The following LHFPL2 variants were observed in gnomAD, a reference collection of about 807,000 sequenced individuals.
LHFPL2 encodes the protein LHFPL tetraspan subfamily member 2.
In LHFPL2, 7 loss-of-function variants were observed where a neutral mutation model predicts 17.5. That is an observed-to-expected ratio of 0.40 (90% CI 0.23 to 0.75). The LOEUF (loss-of-function observed/expected upper bound fraction) is 0.75. LHFPL2 is among the 30% of genes least tolerant of loss of function. LHFPL2 has a pLI of 0.37. For synonymous variants in LHFPL2, 134 were observed against 116.2 expected (o/e 1.15, Z -0.99); for missense variants, 241 against 294.8 (o/e 0.82, Z 1.34).
intron 2 of LHFPL2, among the ~76,000 whole-genome samples, chr5:78,620,526 C>G (rs1744814297): frequency 6.6e-6 from 1 of 152,188 alleles, no homozygotes; most frequent in African/African-American, 2.4e-5. Flanking sequence ...CAGTCTCACG[C>G]CAAGGCAATG....
intron 3 of LHFPL2, among the ~76,000 whole-genome samples, chr5:78,523,889 G>A (rs1175389527): frequency 1.3e-5 from 2 of 152,190 alleles, no homozygotes; most frequent in African/African-American, 4.8e-5. Flanking sequence ...ACAAGGTCAA[G>A]ATAAGGAAGA....
chr5:78,598,368 G>C (rs1371128309), intron 2 of LHFPL2, among the ~76,000 whole-genome samples: 1 of 152,222 alleles, frequency 6.6e-6, no homozygotes, highest in African/African-American at 2.4e-5. Flanking sequence ...TGACTCCTAG[G>C]CTTGCGAAGC....
intron 3 of LHFPL2, among the ~76,000 whole-genome samples, chr5:78,511,375 C>T (rs1287087555): frequency 6.6e-6 from 1 of 152,220 alleles, no homozygotes; most frequent in Non-Finnish European, 1.5e-5. Flanking sequence ...GACTTCATTA[C>T]CAGAAGACAT....
At chr5:78,495,287 C>G (rs1478867818) in intron 4 of LHFPL2, among the ~76,000 whole-genome samples, 1 of 152,138 alleles carries the variant, frequency 6.6e-6, no homozygotes, top group African/African-American at 2.4e-5. Flanking sequence ...CCTGACCAAC[C>G]CACCCTCTCC....
intron 4 of LHFPL2, among the ~76,000 whole-genome samples, chr5:78,495,733 C>T (rs1030590575): frequency 1.3e-5 from 2 of 152,176 alleles, no homozygotes; most frequent in Non-Finnish European, 2.9e-5. Flanking sequence ...AGACAATTGA[C>T]AGCAGATGTA....
At chr5:78,521,021 TA>T (rs1231992038) in intron 3 of LHFPL2, among the ~76,000 whole-genome samples, 1 of 152,230 alleles carries the variant, frequency 6.6e-6, no homozygotes, top group African/African-American at 2.4e-5. Context: ...TAACCGTTTT[TA>T]AAAGGATTTC....
chr5:78,500,063 G>T (rs973197011), intron 4 of LHFPL2, among the ~76,000 whole-genome samples: 7 of 150,678 alleles, frequency 4.6e-5, no homozygotes, highest in Non-Finnish European at 1.0e-4. Flanking sequence ...TGACGACTTA[G>T]TTTTTGCTCA....
chr5:78,599,861 A>C (rs1743950809), intron 2 of LHFPL2, among the ~76,000 whole-genome samples: 2 of 152,028 alleles, frequency 1.3e-5, no homozygotes, highest in African/African-American at 4.8e-5. Flanking sequence ...TATTCCCCAA[A>C]TTATTGGTAG....
At chr5:78,515,275 C>A (rs1755258595) in intron 3 of LHFPL2, among the ~76,000 whole-genome samples, 1 of 152,032 alleles carries the variant, frequency 6.6e-6, no homozygotes, top group Non-Finnish European at 1.5e-5. Context: ...TCCACCCCAT[C>A]CCAATTATTT....
intron 3 of LHFPL2, among the ~76,000 whole-genome samples, chr5:78,559,487 G>A (rs1282340244): frequency 6.6e-6 from 1 of 152,178 alleles, no homozygotes; most frequent in Admixed American, 6.5e-5. Context: ...TCTTCTGTGG[G>A]ATACGACTAG....
intron 2 of LHFPL2, among the ~76,000 whole-genome samples, chr5:78,567,473 A>G (rs1204001183): frequency 6.6e-6 from 1 of 152,208 alleles, no homozygotes; most frequent in Non-Finnish European, 1.5e-5. Context: ...ACTGTCAGGC[A>G]TTGTTCTATG....
chr5:78,625,311 C>T (rs960524041), intron 2 of LHFPL2: 1 of 152,086 alleles, frequency 6.6e-6, no homozygotes. Context: ...GGCTGCAAAA[C>T]GAGGGTAGGC....
intron 3 of LHFPL2, among the ~76,000 whole-genome samples, chr5:78,522,936 G>A (rs533029631): frequency 6.6e-6 from 1 of 152,248 alleles, no homozygotes; most frequent in East Asian, 1.9e-4. Flanking sequence ...TTGTAGCTGA[G>A]GGGGGAGAAA....
intron 3 of LHFPL2, among the ~76,000 whole-genome samples, chr5:78,559,995 G>T (rs1316370686): frequency 6.6e-6 from 1 of 152,170 alleles, no homozygotes; most frequent in African/African-American, 2.4e-5. Context: ...CAATGGCGAT[G>T]TATTTGCTGT....
intron 4 of LHFPL2, among the ~76,000 whole-genome samples, chr5:78,494,037 C>T (rs1165043211): frequency 6.6e-6 from 1 of 152,168 alleles, no homozygotes; most frequent in Non-Finnish European, 1.5e-5. Flanking sequence ...TCTGTCTGCT[C>T]TCCCTTTGCA....
chr5:78,515,279 A>G (rs886724875), intron 3 of LHFPL2, among the ~76,000 whole-genome samples: 6 of 152,000 alleles, frequency 3.9e-5, no homozygotes, highest in Non-Finnish European at 8.8e-5. Flanking sequence ...CCCCATCCCA[A>G]TTATTTTCCC....
chr5:78,496,023 C>A (rs775344237), intron 4 of LHFPL2, among the ~76,000 whole-genome samples: 3 of 152,144 alleles, frequency 2.0e-5, no homozygotes, highest in Non-Finnish European at 2.9e-5. Context: ...GTTGCCTCCC[C>A]GGGAAATGTT....
At chr5:78,515,040 C>T (rs771037093) in intron 3 of LHFPL2, among the ~76,000 whole-genome samples, 1 of 152,262 alleles carries the variant, frequency 6.6e-6, no homozygotes, top group South Asian at 2.1e-4. Context: ...TTAGCATACA[C>T]CTCCTAAAAA....
intron 4 of LHFPL2, chr5:78,494,291 C>T (rs1754538580): frequency 1.2e-6 from 1 of 857,030 alleles, no homozygotes; most frequent in Non-Finnish European, 1.4e-6. Context: ...GGGAGAATGA[C>T]ACTGGCCAGC....
Sources: allele counts gnomAD v4.1 joint callset (sites outside exome capture counted in the v4.1 genomes callset), GRCh38; gene constraint gnomAD v4.1.1; transcripts MANE v1.5; gene names NCBI Gene and HGNC (gene_info 2026-07-23, HGNC 2026-07-21).